ZNF705A: variants seen among roughly 807,000 people sequenced by gnomAD.
ZNF705A encodes zinc finger protein 705A.
In ZNF705A, 8 loss-of-function variants were observed where a neutral mutation model predicts 16.6. The observed-to-expected ratio is 0.48, with a 90% confidence interval of 0.28 to 0.87. The LOEUF is 0.87. ZNF705A is among the 40% of genes least tolerant of loss of function. The probability of loss-of-function intolerance (pLI) is 0.10; values close to 1 mark genes in which losing one functional copy is unlikely to be tolerated. For synonymous variants in ZNF705A, 73 were observed against 117.3 expected (o/e 0.62, Z 2.44); for missense variants, 233 against 359.9 (o/e 0.65, Z 2.85).
chr12:8,159,566 T>C (rs1209639511), intron 1 of ZNF705A, among the ~76,000 whole-genome samples: 2 of 152,206 alleles, frequency 1.3e-5, no homozygotes, highest in African/African-American at 4.8e-5. Context: ...TTAGTGATGC[T>C]GAGGATTTTT....
exon 5 of ZNF705A, chr12:8,178,476 T>C (rs1190451427): frequency 6.6e-6 from 1 of 152,492 alleles, no homozygotes; most frequent in African/African-American, 2.4e-5. Flanking sequence ...GTTTCTCACA[T>C]TGAGGAGCTA....
At chr12:8,167,577 T>A (rs745928428), upstream of ZNF705A, among the ~76,000 whole-genome samples, 1 of 152,202 alleles carries the variant, frequency 6.6e-6, no homozygotes, top group Non-Finnish European at 1.5e-5. Context: ...TGCTTGCTTG[T>A]GGGACTTGCC....
exon 5 of ZNF705A, chr12:8,178,032 C>G (rs1359818499): frequency 1.1e-5 from 2 of 181,334 alleles, no homozygotes; most frequent in Non-Finnish European, 2.4e-5. Flanking sequence ...ACATGTGGGA[C>G]TTTCAGGTAG....
chr12:8,161,623 A>G (rs1218201680), intron 1 of ZNF705A, among the ~76,000 whole-genome samples: 1 of 152,120 alleles, frequency 6.6e-6, no homozygotes, highest in African/African-American at 2.4e-5. Context: ...CAGTGGTGTC[A>G]GTTGTAATAT....
chr12:8,175,731 T>A (rs1948479488), intron 3 of ZNF705A, 129 bp from the exon 5 acceptor site: 1 of 1,319,898 alleles, frequency 7.6e-7, no homozygotes, highest in South Asian at 1.3e-5. Flanking sequence ...ATTCAAGTAG[T>A]TTCTTCATTT....
intron 1 of ZNF705A, among the ~76,000 whole-genome samples, chr12:8,166,370 C>G (rs943912016): frequency 1.3e-5 from 2 of 152,174 alleles, no homozygotes; most frequent in African/African-American, 4.8e-5. Context: ...AATTGTACTC[C>G]CATAATTCCC....
At chr12:8,166,187 G>A (rs1948397789) in intron 1 of ZNF705A, among the ~76,000 whole-genome samples, 1 of 152,088 alleles carries the variant, frequency 6.6e-6, no homozygotes, top group Non-Finnish European at 1.5e-5. Context: ...TGGACTCTGT[G>A]GGGGCTCCAA....
rs747237755 is a variant in ZNF705A at position 8,177,036 on chromosome 12, A to G, written c.356A>G (p.Asn119Ser). ...ATTCTGGAGGATCCTTTTGAATGTA[A>G]TGATTCGGGAGAAGATTGCACTCAC... Residue 119 changes from asparagine to serine, a missense_variant, in exon 5 of 5, where the codon AAT becomes AGT. Transcript: ENST00000359286. 4 of 1,611,076 alleles carry G rather than the reference A, an allele frequency of 2.5e-6. No homozygotes were observed. In the South Asian group the frequency reaches 4.4e-5, roughly 18 times the overall value.
intron 1 of ZNF705A, 49 bp from the exon 3 acceptor site, chr12:8,174,277 C>T (rs1209844754): frequency 2.5e-6 from 4 of 1,595,752 alleles, no homozygotes; most frequent in East Asian, 2.2e-5. Context: ...CTCTTCCGGA[C>T]ATTGAAAGGG....
chr12:8,158,932 T>G (rs140247586), intron 1 of ZNF705A, among the ~76,000 whole-genome samples: 1 of 152,172 alleles, frequency 6.6e-6, no homozygotes, highest in African/African-American at 2.4e-5. Context: ...CAGTGTACAC[T>G]GCAACCTATT....
rs146325917 is a variant in ZNF705A, at chr12:8,172,806, A to G, written c.12+169A>G. Reference sequence around the variant, plus strand: ...TTCCAAATGCAATCAGGAGGCTTTCAGGTATCTGGCCTCCAATTAAGTTTT... The same window carrying G: ...TTCCAAATGCAATCAGGAGGCTTTCGGGTATCTGGCCTCCAATTAAGTTTT... On this transcript the variant is annotated intron_variant, in intron 1 of 4. Coordinates refer to ENST00000359286, the Ensembl canonical transcript of ZNF705A. 3.3e-3 allele frequency among the ~76,000 whole-genome samples: 505 copies of G among 152,298 alleles called. 2 individuals carry two copies. The highest frequency in any genetic ancestry group is 0.012 in the African/African-American group (490 of 41,572).
chr12:8,173,892 T>C (rs1355787574), intron 1 of ZNF705A, among the ~76,000 whole-genome samples: 1 of 152,230 alleles, frequency 6.6e-6, no homozygotes, highest in Admixed American at 6.5e-5. Flanking sequence ...AAACCTGTGG[T>C]TCATTAGAGA....
At chr12:8,178,262 G>C (rs1388875170) in exon 5 of ZNF705A, 1 of 153,350 alleles carries the variant, frequency 6.5e-6, no homozygotes, top group East Asian at 1.9e-4. Context: ...AATAAGAAGG[G>C]AAAGTCTTTC....
chr12:8,163,340 T>G (rs1256368378), intron 1 of ZNF705A, among the ~76,000 whole-genome samples: 1 of 152,188 alleles, frequency 6.6e-6, no homozygotes, highest in Non-Finnish European at 1.5e-5. Context: ...TGGTCAAGTA[T>G]TTTTCATTAA....
At chr12:8,179,639 G>T (rs962069690) in exon 5 of ZNF705A, 1 of 152,220 alleles carries the variant, frequency 6.6e-6, no homozygotes, top group African/African-American at 2.4e-5. Context: ...ACAAGTGATT[G>T]ATTTTACTCT....
upstream of ZNF705A, among the ~76,000 whole-genome samples, chr12:8,171,597 T>A (rs1300271644): frequency 1.3e-5 from 2 of 152,216 alleles, no homozygotes; most frequent in Non-Finnish European, 2.9e-5. Context: ...GGATTGTGAC[T>A]GTATGCACAG....
upstream of ZNF705A, among the ~76,000 whole-genome samples, chr12:8,167,716 T>G (rs143452502): frequency 0.011 from 1,656 of 152,316 alleles, 21 homozygotes; most frequent in African/African-American, 0.036. Flanking sequence ...TTCCAGTTAC[T>G]GGCAGCATAT....
Position 8,174,211 on chromosome 12 carries a change from C to T in ZNF705A, c.13-115C>T, listed in dbSNP as rs998088336. The T allele has an allele frequency of 3.3e-5, 52 of 1,585,794 alleles. No individual in the cohort carries two copies. The Middle Eastern group carries it at 9.2e-4, about 28-fold the overall frequency. ...AGTACTGAGAATGAACTGGCTGGAA[C>T]CCAAAACACTGAGTATTCTGCATAC... On this transcript the variant is annotated intron_variant, in intron 1 of 4. Coordinates refer to ENST00000359286, the Ensembl canonical transcript of ZNF705A.
At chr12:8,171,377 A>G (rs1948443797), upstream of ZNF705A, among the ~76,000 whole-genome samples, 1 of 152,212 alleles carries the variant, frequency 6.6e-6, no homozygotes, top group African/African-American at 2.4e-5. Context: ...ATATGCACCT[A>G]TATACCTACA....
Sources: allele counts gnomAD v4.1 joint callset (sites outside exome capture counted in the v4.1 genomes callset), GRCh38; gene constraint gnomAD v4.1.1; transcripts MANE v1.5; gene names NCBI Gene and HGNC (gene_info 2026-07-23, HGNC 2026-07-21).